Variants in ZNF682 observed in about 807,000 individuals in gnomAD.
ZNF682 encodes zinc finger protein 682.
ZNF682 carries 29 observed loss-of-function variants against 36.5 expected under a neutral mutation model. That is an observed-to-expected ratio of 0.80 (90% CI 0.59 to 1.08). ZNF682 has a LOEUF of 1.08. ZNF682 is among the 50% of genes least tolerant of loss of function. The pLI is 0.00. For synonymous variants in ZNF682, 180 were observed against 197.0 expected, an observed-to-expected ratio of 0.91 and a Z score of 0.72; for missense variants, 561 against 579.7, an observed-to-expected ratio of 0.97 and a Z score of 0.33.
At chr19:20,028,800 C>A (rs143403748) in intron 1 of ZNF682, among the ~76,000 whole-genome samples, 1 of 152,094 alleles carries the variant, frequency 6.6e-6, no homozygotes, top group South Asian at 2.1e-4. Flanking sequence ...TGCATTAATG[C>A]GATGTTTATG....
downstream of ZNF682, among the ~76,000 whole-genome samples, chr19:20,002,904 A>G (rs915827690): frequency 3.9e-5 from 6 of 152,150 alleles, no homozygotes; most frequent in Non-Finnish European, 8.8e-5. Context: ...TTAAAAGAAC[A>G]ACAAGGCCAG....
downstream of ZNF682, among the ~76,000 whole-genome samples, chr19:20,003,190 CAAAAAAAAAAA>C (rs755953644): frequency 1.2e-4 from 4 of 33,084 alleles, no homozygotes; most frequent in East Asian, 9.1e-4. Flanking sequence ...GACTCCGTCT[CAAAAAAAAAAA>C]AAAAAAAAAA....
intron 1 of ZNF682, among the ~76,000 whole-genome samples, chr19:20,030,045 G>C (rs1400660734): frequency 6.6e-6 from 1 of 152,056 alleles, no homozygotes; most frequent in Non-Finnish European, 1.5e-5. Context: ...AGGGCCCTAG[G>C]TAGAATTCTG....
At position 20,037,527 on chromosome 19, in the gene ZNF682, C is replaced by G. The variant is rs193055472; in HGVS notation, c.3+1816G>C. 1.1e-3 allele frequency among the ~76,000 whole-genome samples: 165 copies of G among 152,288 alleles called. 2 individuals carry two copies. Among genetic ancestry groups the G allele is most frequent in the Admixed American group, 0.011 (163 of 15,294 alleles). On this transcript the variant is annotated intron_variant, in intron 1 of 3. Coordinates refer to ENST00000397165, the MANE Select transcript of ZNF682 (RefSeq NM_033196.3). ...GTGACAAACTCAGGAAGCGGCAATA[C>G]TGATTGGAACACAGACATATCTGAC...
intron 3 of ZNF682, among the ~76,000 whole-genome samples, chr19:20,020,810 A>C (rs1432276570): frequency 1.3e-5 from 2 of 152,250 alleles, no homozygotes; most frequent in Non-Finnish European, 2.9e-5. Context: ...AGCCAGACAC[A>C]GAAAGAAAAA....
intron 1 of ZNF682, among the ~76,000 whole-genome samples, chr19:20,038,028 T>A (rs1304762012): frequency 1.3e-5 from 2 of 152,202 alleles, no homozygotes; most frequent in East Asian, 3.9e-4. Context: ...ACAGCCACTG[T>A]GGGCATCTCA....
intron 1 of ZNF682, among the ~76,000 whole-genome samples, chr19:20,030,102 G>A (rs1354820826): frequency 6.6e-6 from 1 of 152,092 alleles, no homozygotes; most frequent in Non-Finnish European, 1.5e-5. Flanking sequence ...TTCTAAGCCT[G>A]CCCAAGAGAA....
intron 3 of ZNF682, among the ~76,000 whole-genome samples, chr19:20,013,302 T>A (rs1415382216): frequency 6.6e-6 from 1 of 152,008 alleles, no homozygotes; most frequent in South Asian, 2.1e-4. Context: ...AACTATAACA[T>A]ATATATTATC....
chr19:20,037,179 G>A (rs77361486), intron 1 of ZNF682, among the ~76,000 whole-genome samples: 5 of 152,138 alleles, frequency 3.3e-5, no homozygotes, highest in African/African-American at 7.2e-5. Flanking sequence ...GAGGGGTGGC[G>A]TTGGGCACAC....
At position 20,005,957 on chromosome 19, in the gene ZNF682, A is replaced by C. The variant is rs1444321139; in HGVS notation, c.*48T>G. 1 of 1,507,864 alleles carries C rather than the reference A, an allele frequency of 6.6e-7. No individual in the cohort carries two copies. The highest frequency in any genetic ancestry group is 8.9e-7 in the Non-Finnish European group (1 of 1,121,138). 93.4% of individuals were successfully genotyped at this position (1,507,864 alleles called of 1,614,324 possible). ...CAATGCCTTGAGCAAGATTTATGGA[A>C]TTTGCCACATTCTTTACATTTGTAG... On this transcript the variant is annotated 3_prime_UTR_variant, in exon 4 of 4. Transcript: ENST00000397165.
chr19:20,038,703 C>A (rs546976983), intron 1 of ZNF682, among the ~76,000 whole-genome samples: 4 of 151,826 alleles, frequency 2.6e-5, no homozygotes, highest in South Asian at 2.1e-4. Context: ...TTTAAGCAAC[C>A]ACAAACCTTC....
chr19:20,006,421 C>G lies in ZNF682; in HGVS notation c.1081G>C (p.Val361Leu), dbSNP rs781464009. 1.2e-6 allele frequency: 2 copies of G among 1,608,742 alleles called. No individual in the cohort carries two copies. Among genetic ancestry groups the G allele is most frequent in the Non-Finnish European group, 1.7e-6 (2 of 1,178,208 alleles). ...NSSSILTEHK[V>L]IHSGEKPYKC... Reference sequence around the variant, plus strand: ...TAGGGTTTCTCTCCGCTATGAATTACCTTATGTTCAGTAAGAATTGATGAT... The same window carrying G: ...TAGGGTTTCTCTCCGCTATGAATTAGCTTATGTTCAGTAAGAATTGATGAT... The change falls in exon 4 of 4, where the codon GTA (valine) becomes CTA (leucine). Residue 361 changes from valine (V) to leucine (L), a missense_variant. Physicochemically the swap from Val to Leu is conservative, Grantham distance 32. Coordinates refer to ENST00000397165, the MANE Select transcript of ZNF682 (RefSeq NM_033196.3).
chr19:19,995,564 G>A (rs117128253), downstream of ZNF682, among the ~76,000 whole-genome samples: 6 of 152,234 alleles, frequency 3.9e-5, no homozygotes, highest in East Asian at 1.9e-4. Flanking sequence ...CTGAAACAGC[G>A]CGGGATGAAT....
intron 1 of ZNF682, among the ~76,000 whole-genome samples, chr19:20,028,000 AT>A (rs1207718808): frequency 6.6e-6 from 1 of 152,134 alleles, no homozygotes; most frequent in East Asian, 1.9e-4. Flanking sequence ...TTACAATTAC[AT>A]GGGACACTTA....
chr19:20,008,291 G>A (rs1193353972), intron 3 of ZNF682: 1 of 152,246 alleles, frequency 6.6e-6, no homozygotes, highest in Non-Finnish European at 1.5e-5. Flanking sequence ...TTCCATCCCA[G>A]GAAGCCTAGC....
At chr19:20,010,171 A>C (rs1178249614) in intron 3 of ZNF682, among the ~76,000 whole-genome samples, 3 of 152,200 alleles carry the variant, frequency 2.0e-5, no homozygotes, top group African/African-American at 7.2e-5. Context: ...GACTGGCATC[A>C]CAAGGTGCTT....
chr19:20,015,143 A>G, intron 3 of ZNF682: 1 of 946,210 alleles, frequency 1.1e-6, no homozygotes, highest in South Asian at 4.9e-5. Flanking sequence ...AATTACACCT[A>G]AAATAAAGTT....
chr19:20,000,443 C>T (rs1258274792), downstream of ZNF682, among the ~76,000 whole-genome samples: 1 of 152,182 alleles, frequency 6.6e-6, no homozygotes, highest in African/African-American at 2.4e-5. Context: ...CAGGGCAACC[C>T]AGAACAGATC....
chr19:20,026,681 G>T (rs2088434593), intron 1 of ZNF682, among the ~76,000 whole-genome samples: 1 of 152,060 alleles, frequency 6.6e-6, no homozygotes, highest in Non-Finnish European at 1.5e-5. Flanking sequence ...GCTCTGGCTG[G>T]TCTCAAACTC....
Sources: gnomAD v4.1 joint callset for allele counts (sites outside exome capture counted in the v4.1 genomes callset) on GRCh38, gnomAD v4.1.1 for gene constraint, MANE v1.5 for transcripts, NCBI Gene and HGNC (gene_info 2026-07-23, HGNC 2026-07-21) for gene names.